EXTL3: variants seen among roughly 807,000 people sequenced by gnomAD.
The protein encoded by EXTL3 is exostosin like glycosyltransferase 3, also known as exostosin-like 3.
A neutral mutation model predicts 69.3 loss-of-function variants in EXTL3; 27 were observed. The ratio of observed to expected loss-of-function variants is 0.39; its 90% confidence interval spans 0.29 to 0.54. EXTL3 has a LOEUF of 0.54. Among genes scored for constraint, EXTL3 ranks in the 20% least tolerant of loss-of-function variants. The pLI is 0.69. For missense variants in EXTL3, 1,003 were observed against 1,231.8 expected, an observed-to-expected ratio of 0.81 and a Z score of 2.78; for synonymous variants, 511 against 499.4, an observed-to-expected ratio of 1.02 and a Z score of -0.31.
At chr8:28,633,750 G>A (rs749563687) in intron 1 of EXTL3, among the ~76,000 whole-genome samples, 2 of 152,150 alleles carry the variant, frequency 1.3e-5, no homozygotes, top group African/African-American at 2.4e-5. Context: ...GTCTAAAGAT[G>A]TTACATGCCA....
chr8:28,724,801 A>G (rs1300105463), intron 3 of EXTL3, among the ~76,000 whole-genome samples: 1 of 151,996 alleles, frequency 6.6e-6, no homozygotes, highest in Admixed American at 6.5e-5. Flanking sequence ...CTCCATCTCA[A>G]TAATAATAAT....
chr8:28,657,436 A>G (rs1276246240), intron 1 of EXTL3, among the ~76,000 whole-genome samples: 1 of 152,200 alleles, frequency 6.6e-6, no homozygotes, highest in Non-Finnish European at 1.5e-5. Flanking sequence ...TGGCCCGACT[A>G]AGTGGGCCCC....
upstream of EXTL3, chr8:28,700,461 C>G (rs565128221): frequency 6.6e-6 from 1 of 152,242 alleles, no homozygotes; most frequent in South Asian, 2.1e-4. Context: ...TGCTGGAGCA[C>G]TGGGCCTGGG....
At chr8:28,635,099 T>A (rs1173263557) in intron 1 of EXTL3, among the ~76,000 whole-genome samples, 1 of 152,104 alleles carries the variant, frequency 6.6e-6, no homozygotes, top group Non-Finnish European at 1.5e-5. Context: ...GGAATGAACT[T>A]TCTAGCTCAA....
At chr8:28,617,277 G>A (rs746483818) in intron 2 of EXTL3, among the ~76,000 whole-genome samples, 2 of 152,270 alleles carry the variant, frequency 1.3e-5, no homozygotes, top group East Asian at 1.9e-4. Context: ...GGGATGGCCC[G>A]TGACTAGGGT....
intron 3 of EXTL3, among the ~76,000 whole-genome samples, chr8:28,721,285 A>C (rs1801287069): frequency 6.6e-6 from 1 of 152,360 alleles, no homozygotes; most frequent in Non-Finnish European, 1.5e-5. Context: ...TGCACCAAGC[A>C]TGCATGGCTT....
At chr8:28,705,122 A>G (rs528492583) in intron 1 of EXTL3, among the ~76,000 whole-genome samples, 54 of 152,334 alleles carry the variant, frequency 3.5e-4, no homozygotes, top group African/African-American at 1.3e-3. Flanking sequence ...GGTCTTGGGA[A>G]TGGCCTTGCT....
intron 3 of EXTL3, chr8:28,730,301 A>G (rs912413743): frequency 1.3e-5 from 2 of 152,336 alleles, no homozygotes; most frequent in Non-Finnish European, 1.5e-5. Context: ...ATTATTCTTC[A>G]TGAGATGCTC....
chr8:28,693,235 C>T (rs572753781), intron 1 of EXTL3, among the ~76,000 whole-genome samples: 2 of 151,692 alleles, frequency 1.3e-5, no homozygotes, highest in East Asian at 1.9e-4. Context: ...CAGCACCCTC[C>T]GCCTCCCAGG....
intron 1 of EXTL3, among the ~76,000 whole-genome samples, chr8:28,661,731 A>G (rs1024798159): frequency 1.3e-5 from 2 of 151,712 alleles, no homozygotes; most frequent in African/African-American, 4.8e-5. Flanking sequence ...AATACAAAAA[A>G]AAAATTAGCT....
intron 1 of EXTL3, among the ~76,000 whole-genome samples, chr8:28,704,177 A>G (rs1259342806): frequency 1.3e-5 from 2 of 152,182 alleles, no homozygotes; most frequent in African/African-American, 2.4e-5. Flanking sequence ...CATTACTAAC[A>G]TACTTCCCTC....
At chr8:28,624,960 G>A (rs1407957031) in intron 1 of EXTL3, among the ~76,000 whole-genome samples, 5 of 152,136 alleles carry the variant, frequency 3.3e-5, no homozygotes, top group African/African-American at 4.8e-5. Flanking sequence ...ATACACACAC[G>A]TTAGGTTAAT....
At chr8:28,712,648 A>G (rs1175484573) in intron 1 of EXTL3, among the ~76,000 whole-genome samples, 1 of 152,236 alleles carries the variant, frequency 6.6e-6, no homozygotes, top group Non-Finnish European at 1.5e-5. Flanking sequence ...TGTGCTTGAA[A>G]TAATTTAATT....
chr8:28,707,165 A>G (rs945406188), intron 1 of EXTL3, among the ~76,000 whole-genome samples: 1 of 152,258 alleles, frequency 6.6e-6, no homozygotes, highest in African/African-American at 2.4e-5. Context: ...TTTAATTACA[A>G]AAGTAATACA....
intron 3 of EXTL3, among the ~76,000 whole-genome samples, chr8:28,725,003 G>A (rs1801382344): frequency 6.6e-6 from 1 of 152,126 alleles, no homozygotes. Context: ...CCTCTTTTAA[G>A]TTGGAGGAAG....
intron 1 of EXTL3, among the ~76,000 whole-genome samples, chr8:28,670,155 G>A (rs1349273241): frequency 2.4e-5 from 3 of 127,236 alleles, no homozygotes; most frequent in Non-Finnish European, 4.7e-5. Context: ...ATTGCAGTGA[G>A]CTGAGATTGC....
chr8:28,678,029 G>A (rs1287143360), intron 1 of EXTL3: 1 of 152,228 alleles, frequency 6.6e-6, no homozygotes, highest in African/African-American at 2.4e-5. Context: ...TTGGATCCAA[G>A]GCCAAAACAG....
At position 28,751,075 on chromosome 8, in the gene EXTL3, T is replaced by G; in HGVS notation, c.*209T>G. The stretch of plus-strand genomic sequence containing the variant: ...GGAGCCCTGGGCGGAGTCCCCGGGG[T>G]TCCCCACACAGGGCACTGACTGATA... On this transcript the variant is annotated 3_prime_UTR_variant, in exon 7 of 7. Transcript: ENST00000220562. 15 of 572,042 alleles carry G rather than the reference T, an allele frequency of 2.6e-5. No individual in the cohort carries two copies. The highest frequency in any genetic ancestry group is 3.4e-5 in the Non-Finnish European group (11 of 318,942). 35.4% of individuals were successfully genotyped at this position (572,042 alleles called of 1,614,324 possible).
intron 2 of EXTL3, among the ~76,000 whole-genome samples, chr8:28,715,166 A>G (rs989290436): frequency 2.0e-5 from 3 of 152,226 alleles, no homozygotes; most frequent in Non-Finnish European, 4.4e-5. Flanking sequence ...AAGAAGACTT[A>G]TAGGTTAGGA....
Sources: allele counts gnomAD v4.1 joint callset (sites outside exome capture counted in the v4.1 genomes callset), GRCh38; gene constraint gnomAD v4.1.1; transcripts MANE v1.5; gene names NCBI Gene and HGNC (gene_info 2026-07-23, HGNC 2026-07-21).